CDH4: variants seen among roughly 807,000 people sequenced by gnomAD.
CDH4 encodes cadherin-4.
CDH4 carries 33 observed loss-of-function variants against 86.0 expected under a neutral mutation model. The ratio of observed to expected loss-of-function variants is 0.38; its 90% confidence interval spans 0.29 to 0.51. CDH4 has a LOEUF of 0.51. CDH4 is among the 20% of genes least tolerant of loss of function. The probability of loss-of-function intolerance (pLI) is 0.86; values close to 1 mark genes in which losing one functional copy is unlikely to be tolerated. For synonymous variants in CDH4, 555 were observed against 549.4 expected, an observed-to-expected ratio of 1.01 and a Z score of -0.14; for missense variants, 1,114 against 1,307.4, an observed-to-expected ratio of 0.85 and a Z score of 2.28.
intron 3 of CDH4, among the ~76,000 whole-genome samples, chr20:61,750,192 T>C (rs994327952): frequency 6.6e-6 from 1 of 151,722 alleles, no homozygotes; most frequent in African/African-American, 2.4e-5. Flanking sequence ...CAGAAAACAA[T>C]AGAAATAACA....
chr20:61,492,024 G>A (rs1469011361), intron 2 of CDH4, among the ~76,000 whole-genome samples: 2 of 151,696 alleles, frequency 1.3e-5, no homozygotes, highest in Admixed American at 1.3e-4. Flanking sequence ...CAATATTGTC[G>A]ATGGTGGTGT....
chr20:61,620,175 T>TGGATGGATGGATGGATGGATGGACGGAG (rs1239402514), intron 2 of CDH4, among the ~76,000 whole-genome samples: 7 of 79,762 alleles, frequency 8.8e-5, no homozygotes, highest in African/African-American at 9.6e-5. Flanking sequence ...GATGGATGGA[T>TGGATGGATGGATGGATGGATGGACGGAG]GGGTGGGTGG....
chr20:61,286,059 C>A (rs2084291543), intron 2 of CDH4, among the ~76,000 whole-genome samples: 1 of 152,212 alleles, frequency 6.6e-6, no homozygotes. Flanking sequence ...TCTGGATGTG[C>A]CAGCCCATCC....
intron 2 of CDH4, among the ~76,000 whole-genome samples, chr20:61,551,661 C>A (rs527795384): frequency 2.6e-5 from 4 of 152,306 alleles, no homozygotes; most frequent in Non-Finnish European, 5.9e-5. Context: ...TTCCCATCTG[C>A]ACAATAGTGT....
intron 4 of CDH4, among the ~76,000 whole-genome samples, chr20:61,806,274 A>T (rs1045831993): frequency 6.6e-6 from 1 of 152,060 alleles, no homozygotes; most frequent in Non-Finnish European, 1.5e-5. Context: ...TGTTCTTGTC[A>T]CCACTGGAGA....
At chr20:61,891,359 G>C (rs1984810111) in intron 7 of CDH4, among the ~76,000 whole-genome samples, 1 of 152,126 alleles carries the variant, frequency 6.6e-6, no homozygotes, top group South Asian at 2.1e-4. Flanking sequence ...CAGCCTGCAG[G>C]CCCCTCCCTG....
chr20:61,258,611 A>G (rs1490849160), intron 2 of CDH4, among the ~76,000 whole-genome samples: 1 of 152,188 alleles, frequency 6.6e-6, no homozygotes, highest in Non-Finnish European at 1.5e-5. Flanking sequence ...ATAAAACCCA[A>G]TTCACATAAT....
intron 2 of CDH4, among the ~76,000 whole-genome samples, chr20:61,710,469 C>A (rs1439049329): frequency 6.6e-6 from 1 of 152,238 alleles, no homozygotes; most frequent in Non-Finnish European, 1.5e-5. Context: ...CAGAGCCCCC[C>A]TCCTGGGGAG....
intron 2 of CDH4, among the ~76,000 whole-genome samples, chr20:61,354,923 G>A (rs986107917): frequency 6.6e-6 from 1 of 152,196 alleles, no homozygotes; most frequent in African/African-American, 2.4e-5. Context: ...GCACCTAAGA[G>A]CATCCTCTTA....
At chr20:61,375,875 T>C (rs1183102085) in intron 2 of CDH4, among the ~76,000 whole-genome samples, 48 of 137,008 alleles carry the variant, frequency 3.5e-4, no homozygotes, top group Non-Finnish European at 6.5e-4. Flanking sequence ...CTCTTGGTGC[T>C]GGTGGTGGTG....
intron 2 of CDH4, among the ~76,000 whole-genome samples, chr20:61,699,018 C>A (rs1053561640): frequency 6.6e-6 from 1 of 152,236 alleles, no homozygotes; most frequent in Non-Finnish European, 1.5e-5. Flanking sequence ...CAAGAATGGC[C>A]GCTGGCAGGT....
At chr20:61,455,931 G>A (rs2085404365) in intron 2 of CDH4, among the ~76,000 whole-genome samples, 1 of 152,108 alleles carries the variant, frequency 6.6e-6, no homozygotes, top group African/African-American at 2.4e-5. Context: ...TGAAGGATGG[G>A]TGGATGGATG....
chr20:61,778,162 T>G (rs1231629001), intron 4 of CDH4, among the ~76,000 whole-genome samples: 3 of 152,180 alleles, frequency 2.0e-5, no homozygotes, highest in Non-Finnish European at 4.4e-5. Context: ...TGTCCCCATT[T>G]CCATCTATAG....
rs1189458028 is a variant in CDH4 at position 61,743,573 on chromosome 20, C to A, written c.180C>A (p.Ser60Arg). 7 of 1,562,876 alleles carry A rather than the reference C, an allele frequency of 4.5e-6. No homozygotes were observed. Among genetic ancestry groups the A allele is most frequent in the Non-Finnish European group, 6.1e-6 (7 of 1,152,484 alleles). The change falls in exon 3 of 16, where the codon AGC becomes AGA. Residue 60 changes from serine to arginine, a missense_variant. Coordinates refer to ENST00000614565, the MANE Select transcript of CDH4 (RefSeq NM_001794.5). ...CCCCTCCTCTTGCAGTCAAGTTCAGCAGCTGTGTGGGGACCAAGGGGACAC... is the reference window on the plus strand; with the variant it reads ...CCCCTCCTCTTGCAGTCAAGTTCAGAAGCTGTGTGGGGACCAAGGGGACAC... ...EGEKLLQVKF[S>R]SCVGTKGTQY... is the part of the protein sequence containing the mutation.
At chr20:61,932,637 G>A (rs1277693708) in intron 13 of CDH4, among the ~76,000 whole-genome samples, 4 of 152,226 alleles carry the variant, frequency 2.6e-5, no homozygotes, top group South Asian at 2.1e-4. Flanking sequence ...TCATACACAC[G>A]TCCTCCTGCA....
chr20:61,484,423 C>T (rs1418063300), intron 2 of CDH4, among the ~76,000 whole-genome samples: 9 of 152,218 alleles, frequency 5.9e-5, no homozygotes. Context: ...AGTGCCCTCA[C>T]TGGGCACGAG....
intron 2 of CDH4, among the ~76,000 whole-genome samples, chr20:61,319,896 A>G (rs1480341579): frequency 1.3e-5 from 2 of 151,810 alleles, no homozygotes; most frequent in Non-Finnish European, 2.9e-5. Flanking sequence ...CGAAGGATGC[A>G]GTAAGCCGAG....
At chr20:61,504,537 A>G (rs1341644612) in intron 2 of CDH4, among the ~76,000 whole-genome samples, 1 of 152,152 alleles carries the variant, frequency 6.6e-6, no homozygotes, top group East Asian at 1.9e-4. Context: ...GTGACTGCCC[A>G]AGATCCCACC....
At chr20:61,815,222 C>G (rs1381687194) in intron 4 of CDH4, among the ~76,000 whole-genome samples, 1 of 152,158 alleles carries the variant, frequency 6.6e-6, no homozygotes, top group Non-Finnish European at 1.5e-5. Flanking sequence ...CTGTCTAACC[C>G]CAAGGCCACG....
Sources: allele counts gnomAD v4.1 joint callset (sites outside exome capture counted in the v4.1 genomes callset), GRCh38; gene constraint gnomAD v4.1.1; transcripts MANE v1.5; gene names NCBI Gene and HGNC (gene_info 2026-07-23, HGNC 2026-07-21).